The following PITPNM2 variants were observed in gnomAD, a reference collection of about 807,000 sequenced individuals.
PITPNM2 encodes the protein phosphatidylinositol transfer protein membrane associated 2, also known as membrane-associated phosphatidylinositol transfer protein 2.
A neutral mutation model predicts 132.2 loss-of-function variants in PITPNM2; 35 were observed. The ratio of observed to expected loss-of-function variants is 0.26; its 90% CI spans 0.20 to 0.35. The LOEUF is 0.35. Ranked by LOEUF, PITPNM2 falls within the 10% of genes least tolerant of loss-of-function variation. The pLI, the probability that PITPNM2 is intolerant of heterozygous loss-of-function variation, is 1.00. For synonymous variants in PITPNM2, 738 were observed against 799.2 expected (o/e 0.92, Z 1.29); for missense variants, 1,332 against 1,912.0 (o/e 0.70, Z 5.66).
chr12:123,089,556 G>A (rs1204358441), intron 2 of PITPNM2: 2 of 152,194 alleles, frequency 1.3e-5, no homozygotes, highest in African/African-American at 4.8e-5. Flanking sequence ...TCCGAGGGAA[G>A]ACAAAGATGA....
intron 16 of PITPNM2, chr12:122,991,993 G>T: frequency 8.5e-7 from 1 of 1,175,192 alleles, no homozygotes; most frequent in South Asian, 3.8e-5. Flanking sequence ...GCTCCTCGAG[G>T]ACCAGGACGT....
At position 122,986,283 on chromosome 12, in the gene PITPNM2, C is replaced by T. The variant is rs544230636; in HGVS notation, c.3794G>A (p.Arg1265His). The T allele has an allele frequency of 7.5e-5, 119 of 1,582,164 alleles. No homozygotes were observed. Among genetic ancestry groups the T allele is most frequent in the Non-Finnish European group, 9.4e-5 (110 of 1,168,876 alleles). Reference protein sequence around the residue: ...LKYSHRARPARNTATRMALRK... With the variant: ...LKYSHRARPAHNTATRMALRK... ...CAGCGCCATGCGGGTGGCCGTGTTG[C>T]GAGCGGGCCGCGCCCGGTGGCTGTA... The change falls in exon 26 of 26, where the codon CGC becomes CAC. Residue 1265 changes from arginine to histidine, a missense_variant. Arg to His is a conservative substitution (Grantham distance 29). Around this residue, in one of 6 missense-constraint regions of PITPNM2, gnomAD observed 163 missense variants for 177.2 expected, o/e 0.92. Coordinates refer to ENST00000320201, the MANE Select transcript of PITPNM2 (RefSeq NM_020845.3).
chr12:123,016,216 C>T (rs976756545), intron 3 of PITPNM2, among the ~76,000 whole-genome samples: 3 of 151,996 alleles, frequency 2.0e-5, no homozygotes, highest in Admixed American at 1.3e-4. Flanking sequence ...ATCCCAGCTA[C>T]TCGGGAGGCT....
chr12:123,136,804 G>C (rs540381795), intron 1 of PITPNM2, among the ~76,000 whole-genome samples: 1 of 152,334 alleles, frequency 6.6e-6, no homozygotes, highest in African/African-American at 2.4e-5. Context: ...GGCTGAGGCA[G>C]AAGAATCGCT....
Position 123,059,817 on chromosome 12 carries a change from G to A in PITPNM2, c.-95-25132C>T, listed in dbSNP as rs1420649892. Among the ~76,000 whole-genome samples the A allele has an allele frequency of 2.0e-5, 3 of 152,154 alleles. No homozygotes were observed. The East Asian group carries it at 5.8e-4, about 29-fold the overall frequency. On this transcript the variant is annotated intron_variant, in intron 2 of 25. Coordinates refer to ENST00000320201, the MANE Select transcript of PITPNM2 (RefSeq NM_020845.3). ...ATGGTGGCCAGGAGCTGTGGGGAGGGAGGAATGGGAAGTGACTGCTTAAAA... is the reference window on the plus strand; with the variant it reads ...ATGGTGGCCAGGAGCTGTGGGGAGGAAGGAATGGGAAGTGACTGCTTAAAA...
At chr12:123,032,441 C>T (rs1363330011) in intron 3 of PITPNM2, among the ~76,000 whole-genome samples, 1 of 152,228 alleles carries the variant, frequency 6.6e-6, no homozygotes, top group Non-Finnish European at 1.5e-5. Flanking sequence ...CACGATGCTG[C>T]ACTCCAGCCT....
At chr12:123,137,120 C>A (rs145714392) in intron 1 of PITPNM2, among the ~76,000 whole-genome samples, 1 of 152,154 alleles carries the variant, frequency 6.6e-6, no homozygotes, top group Non-Finnish European at 1.5e-5. Context: ...GCCACCCAGG[C>A]GGCTGCCCAT....
intron 1 of PITPNM2, among the ~76,000 whole-genome samples, chr12:123,135,393 CT>C (rs200686013): frequency 6.8e-6 from 1 of 146,562 alleles, no homozygotes; most frequent in African/African-American, 2.5e-5. Context: ...GACCCCCCCC[CT>C]TAACAAAACT....
chr12:123,046,967 A>T (rs2040681809), intron 2 of PITPNM2, among the ~76,000 whole-genome samples: 1 of 152,198 alleles, frequency 6.6e-6, no homozygotes, highest in Admixed American at 6.5e-5. Context: ...ACTTAAATCA[A>T]TTTATATACA....
Position 122,996,526 on chromosome 12 carries a change from A to G in PITPNM2, c.1714T>C (p.Cys572Arg), listed in dbSNP as rs752293118. 4.3e-6 allele frequency: 7 copies of G among 1,613,082 alleles called. No homozygotes were observed. The highest frequency in any genetic ancestry group is 5.9e-6 in the Non-Finnish European group (7 of 1,180,012). The change falls in exon 13 of 26, where the codon TGC (cysteine) becomes CGC (arginine). Residue 572 changes from cysteine (C) to arginine (R), a missense_variant. This residue lies in a region of PITPNM2 where 710 missense variants were observed against 911.5 expected (regional missense o/e 0.78). Transcript: ENST00000320201. ...VGGILAFDAL[C>R]YSNQPVSESQ... ...TCAGACACCGGCTGGTTACTGTAGC[A>G]CAGGGCATCAAATGCCAGGATGCCC...
chr12:123,107,320 A>C (rs2042741524), intron 2 of PITPNM2, among the ~76,000 whole-genome samples: 1 of 152,222 alleles, frequency 6.6e-6, no homozygotes, highest in Non-Finnish European at 1.5e-5. Context: ...TCTGCTCACC[A>C]ATGCCGAATG....
Position 123,032,644 on chromosome 12 carries a change from T to A in PITPNM2, c.78+1869A>T, listed in dbSNP as rs1039618957. ...GGGAGGCCAGGTGGAGCTGAGGGGC[T>A]CCTGTGGTCTGGGTTCACCCTGGCT... On this transcript the variant is annotated intron_variant, in intron 3 of 25. Coordinates refer to ENST00000320201, the MANE Select transcript of PITPNM2 (RefSeq NM_020845.3). Among the ~76,000 whole-genome samples, 42 of 152,050 alleles carry A rather than the reference T, an allele frequency of 2.8e-4. 1 individual carries two copies. Among genetic ancestry groups the A allele is most frequent in the Admixed American group, 2.2e-3 (33 of 15,258 alleles).
Position 122,988,970 on chromosome 12 carries a change from T to A in PITPNM2, c.2732-98A>T, listed in dbSNP as rs73411009. On this transcript the variant is annotated intron_variant, in intron 18 of 25. Transcript: ENST00000320201. ...CTCTGGCCTGCTCAGCCCAGCACAGTCCCCCCACCAGCTATAGCCAAAAGT... is the reference window on the plus strand; with the variant it reads ...CTCTGGCCTGCTCAGCCCAGCACAGACCCCCCACCAGCTATAGCCAAAAGT... The A allele has an allele frequency of 9.1e-3, 11,801 of 1,295,700 alleles. 761 individuals carry two copies. In the African/African-American group the frequency reaches 0.15, roughly 16 times the overall value. 80.3% of individuals were successfully genotyped at this position (1,295,700 alleles called of 1,614,324 possible). A position where few individuals can be genotyped will look rare whatever the true frequency, so the allele number is the denominator to read the frequency against.
At chr12:123,073,763 G>A (rs940915569) in intron 2 of PITPNM2, among the ~76,000 whole-genome samples, 6 of 152,210 alleles carry the variant, frequency 3.9e-5, no homozygotes, top group Admixed American at 6.5e-5. Context: ...GAGTGGCCTC[G>A]TACTCTGGGT....
chr12:123,121,823 G>A (rs1413902916), intron 1 of PITPNM2, among the ~76,000 whole-genome samples: 1 of 151,640 alleles, frequency 6.6e-6, no homozygotes, highest in East Asian at 1.9e-4. Context: ...GAGATTACAG[G>A]CTTGGACTAC....
chr12:123,121,315 A>G (rs1445086762), intron 1 of PITPNM2, among the ~76,000 whole-genome samples: 1 of 152,250 alleles, frequency 6.6e-6, no homozygotes, highest in Non-Finnish European at 1.5e-5. Context: ...TTGAGGCTGC[A>G]GTAGGACATG....
chr12:123,087,066 G>A (rs750283294), intron 2 of PITPNM2, among the ~76,000 whole-genome samples: 1 of 152,146 alleles, frequency 6.6e-6, no homozygotes, highest in Admixed American at 6.5e-5. Flanking sequence ...TCTGGCTTAC[G>A]AGGCATTCCT....
chr12:123,082,181 G>C lies in PITPNM2; in HGVS notation c.-96+28204C>G, dbSNP rs928691645. ...TCTGCCCTGCCACCTCTCCGCCCTG[G>C]CAAGGCCGTGGGCAAGTTCCTGCCT... On this transcript the variant is annotated intron_variant, in intron 2 of 25. Coordinates refer to ENST00000320201, the MANE Select transcript of PITPNM2 (RefSeq NM_020845.3). The surrounding 1 kb of genome is among the most constrained non-coding windows in gnomAD (Gnocchi z 5.4). Among the ~76,000 whole-genome samples, 1 of 152,188 alleles carries C rather than the reference G, an allele frequency of 6.6e-6. No homozygotes were observed. The highest frequency in any genetic ancestry group is 1.5e-5 in the Non-Finnish European group (1 of 68,032).
At chr12:123,113,200 T>C (rs1195548791) in intron 1 of PITPNM2, among the ~76,000 whole-genome samples, 1 of 152,190 alleles carries the variant, frequency 6.6e-6, no homozygotes. Flanking sequence ...CTGCCGAAGT[T>C]AAACACTGCT....
Sources: allele counts gnomAD v4.1 joint callset (sites outside exome capture counted in the v4.1 genomes callset), GRCh38; gene constraint gnomAD v4.1.1; regional missense constraint gnomAD v4.1.1; non-coding constraint Gnocchi (gnomAD v3.1); transcripts MANE v1.5; gene names NCBI Gene and HGNC (gene_info 2026-07-23, HGNC 2026-07-21).